RGS7: variants seen among roughly 807,000 people sequenced by gnomAD.
RGS7 encodes the protein regulator of G protein signaling 7.
A neutral mutation model predicts 81.1 loss-of-function variants in RGS7; 27 were observed. That is an observed-to-expected ratio of 0.33 (90% CI 0.25 to 0.46). The LOEUF is 0.46. RGS7 is among the 20% of genes least tolerant of loss of function. The probability of loss-of-function intolerance (pLI) is 1.00; values close to 1 mark genes in which losing one functional copy is unlikely to be tolerated. For synonymous variants in RGS7, 208 were observed against 207.7 expected, an observed-to-expected ratio of 1.00 and a Z score of -0.01; for missense variants, 396 against 607.4, an observed-to-expected ratio of 0.65 and a Z score of 3.66.
intron 3 of RGS7, among the ~76,000 whole-genome samples, chr1:241,009,129 T>C (rs1476265288): frequency 6.6e-6 from 1 of 152,096 alleles, no homozygotes; most frequent in African/African-American, 2.4e-5. Flanking sequence ...TTAACTTCCC[T>C]TTTACTTCTT....
chr1:241,100,967 C>T (rs2064694526), intron 2 of RGS7, among the ~76,000 whole-genome samples: 1 of 152,200 alleles, frequency 6.6e-6, no homozygotes, highest in Admixed American at 6.5e-5. Context: ...GAGAAACTGG[C>T]CTGCAGGGCC....
At chr1:241,322,660 A>C (rs1431200881) in intron 2 of RGS7, among the ~76,000 whole-genome samples, 1 of 152,186 alleles carries the variant, frequency 6.6e-6, no homozygotes, top group Non-Finnish European at 1.5e-5. Flanking sequence ...CACCCCTCAG[A>C]GATTCTTTAA....
intron 3 of RGS7, among the ~76,000 whole-genome samples, chr1:240,996,077 T>C (rs1315585935): frequency 2.0e-5 from 3 of 152,196 alleles, no homozygotes; most frequent in Non-Finnish European, 4.4e-5. Context: ...TGTTGTTTAA[T>C]TTCCAAATGT....
intron 2 of RGS7, among the ~76,000 whole-genome samples, chr1:241,192,252 C>CATGTGTGTGTGTGTGT (rs1491204174): frequency 4.0e-5 from 5 of 124,756 alleles, no homozygotes; most frequent in African/African-American, 1.6e-4. Context: ...TCTGTCTGCA[C>CATGTGTGTGTGTGTGT]GTGTGTGTGT....
At chr1:240,778,179 G>C (rs12728423) in intron 18 of RGS7, among the ~76,000 whole-genome samples, 4 of 134,722 alleles carry the variant, frequency 3.0e-5, no homozygotes, top group Non-Finnish European at 6.5e-5. Flanking sequence ...AAAGGCCCTG[G>C]CTCCTAATAC....
chr1:241,334,826 T>A (rs2082157295), intron 2 of RGS7, among the ~76,000 whole-genome samples: 1 of 152,158 alleles, frequency 6.6e-6, no homozygotes, highest in African/African-American at 2.4e-5. Context: ...AGTTATAGAA[T>A]CCCTTCAAGA....
At chr1:241,170,538 C>T (rs2070655201) in intron 2 of RGS7, among the ~76,000 whole-genome samples, 1 of 152,132 alleles carries the variant, frequency 6.6e-6, no homozygotes, top group South Asian at 2.1e-4. Context: ...TTTTTATAAA[C>T]ATATATTATA....
chr1:241,345,759 T>G (rs2082856956), intron 2 of RGS7, among the ~76,000 whole-genome samples: 1 of 152,164 alleles, frequency 6.6e-6, no homozygotes, highest in South Asian at 2.1e-4. Flanking sequence ...CAGGCGCACC[T>G]GTAATCCCAG....
At chr1:240,819,226 T>A (rs1474773857) in intron 10 of RGS7, among the ~76,000 whole-genome samples, 2 of 152,178 alleles carry the variant, frequency 1.3e-5, no homozygotes, top group Non-Finnish European at 2.9e-5. Context: ...TTAAAGTTTT[T>A]AAATAATAAT....
At chr1:241,041,720 G>A (rs79312248) in intron 3 of RGS7, among the ~76,000 whole-genome samples, 3 of 152,060 alleles carry the variant, frequency 2.0e-5, no homozygotes, top group African/African-American at 7.2e-5. Flanking sequence ...TCACAAGCAG[G>A]ATAAAGACAG....
At chr1:241,167,878 C>T (rs1308218701) in intron 2 of RGS7, among the ~76,000 whole-genome samples, 2 of 152,040 alleles carry the variant, frequency 1.3e-5, no homozygotes, top group South Asian at 2.1e-4. Context: ...AATATTACCT[C>T]GGACAAAGAG....
intron 2 of RGS7, among the ~76,000 whole-genome samples, chr1:241,223,567 G>A (rs915440477): frequency 6.6e-6 from 1 of 151,984 alleles, no homozygotes; most frequent in African/African-American, 2.4e-5. Flanking sequence ...ATCCCAGAAA[G>A]GCAATGCTAA....
chr1:241,027,786 G>T (rs2059867671), intron 3 of RGS7, among the ~76,000 whole-genome samples: 1 of 152,076 alleles, frequency 6.6e-6, no homozygotes, highest in East Asian at 1.9e-4. Context: ...ATCAAGAATT[G>T]GGTTTTGTGG....
At chr1:241,129,678 C>T (rs1032494253) in intron 2 of RGS7, among the ~76,000 whole-genome samples, 4 of 152,146 alleles carry the variant, frequency 2.6e-5, no homozygotes, top group African/African-American at 9.7e-5. Context: ...TGAGTGAGCA[C>T]CACAGTTACT....
chr1:241,331,854 C>G (rs2081995277), intron 2 of RGS7, among the ~76,000 whole-genome samples: 1 of 152,158 alleles, frequency 6.6e-6, no homozygotes, highest in Non-Finnish European at 1.5e-5. Context: ...TATGGTAATG[C>G]AGAGACGAAA....
At chr1:240,883,108 G>GT (rs1426066542) in intron 6 of RGS7, among the ~76,000 whole-genome samples, 1 of 137,424 alleles carries the variant, frequency 7.3e-6, no homozygotes, top group Non-Finnish European at 1.5e-5. Context: ...TCCATGGTGT[G>GT]TATGTGCCAC....
intron 3 of RGS7, among the ~76,000 whole-genome samples, chr1:240,984,480 C>A (rs1470726658): frequency 2.6e-5 from 4 of 152,018 alleles, no homozygotes; most frequent in Admixed American, 6.6e-5. Flanking sequence ...GTTTCTAGCC[C>A]GGAAGCATAG....
chr1:240,937,816 G>T (rs1391960775), intron 4 of RGS7, among the ~76,000 whole-genome samples: 1 of 152,104 alleles, frequency 6.6e-6, no homozygotes, highest in African/African-American at 2.4e-5. Context: ...TCTACAGACT[G>T]GTGATTGTAA....
intron 6 of RGS7, among the ~76,000 whole-genome samples, chr1:240,914,428 ATAAT>A (rs1672262536): frequency 6.6e-6 from 1 of 152,152 alleles, no homozygotes; most frequent in Non-Finnish European, 1.5e-5. Flanking sequence ...AAGGTGGAAA[ATAAT>A]TACCCCAAAA....
Sources: allele counts gnomAD v4.1 joint callset (sites outside exome capture counted in the v4.1 genomes callset), GRCh38; gene constraint gnomAD v4.1.1; transcripts MANE v1.5; gene names NCBI Gene and HGNC (gene_info 2026-07-23, HGNC 2026-07-21).